DNAJA2: variants seen among roughly 807,000 people sequenced by gnomAD.
DNAJA2 encodes dnaJ homolog subfamily A member 2.
In DNAJA2, 6 loss-of-function variants were observed where a neutral mutation model predicts 49.3. The observed-to-expected ratio is 0.12, with a 90% CI of 0.07 to 0.24. The LOEUF is 0.24. Ranked by LOEUF, DNAJA2 falls within the 10% of genes least tolerant of loss-of-function variation. The pLI is 1.00. For synonymous variants in DNAJA2, 160 were observed against 172.7 expected (o/e 0.93, Z 0.58); for missense variants, 347 against 516.8 (o/e 0.67, Z 3.19).
chr16:46,958,589 C>A (rs34435383), intron 8 of DNAJA2: 119,393 of 146,810 alleles, frequency 0.81, 50,100 homozygotes, highest in South Asian at 0.92. Flanking sequence ...AACAAACAAA[C>A]AAAAAAACCC....
chr16:46,959,818 G>C (rs984442823), intron 6 of DNAJA2, among the ~76,000 whole-genome samples: 1 of 152,202 alleles, frequency 6.6e-6, no homozygotes, highest in Non-Finnish European at 1.5e-5. Context: ...ACAGGGAAGG[G>C]GGGAGGGTCC....
At chr16:46,964,144 C>G (rs578220090) in intron 6 of DNAJA2, among the ~76,000 whole-genome samples, 1 of 152,256 alleles carries the variant, frequency 6.6e-6, no homozygotes, top group African/African-American at 2.4e-5. Flanking sequence ...GAGGCTGAGG[C>G]AGGCAGATCA....
At chr16:46,963,139 A>C (rs1961922199) in intron 6 of DNAJA2, among the ~76,000 whole-genome samples, 2 of 152,166 alleles carry the variant, frequency 1.3e-5, no homozygotes, top group Non-Finnish European at 2.9e-5. Flanking sequence ...ATAGGAGAAA[A>C]TTTTAGGGCA....
intron 5 of DNAJA2, 24 bp downstream of exon 5, chr16:46,967,489 G>A (rs760174136): frequency 6.8e-6 from 11 of 1,612,900 alleles, no homozygotes; most frequent in East Asian, 2.2e-5. Flanking sequence ...CAACATAAAA[G>A]CAGAGAAGTA....
At chr16:46,970,603 C>A (rs55657153) in intron 3 of DNAJA2, among the ~76,000 whole-genome samples, 1 of 151,182 alleles carries the variant, frequency 6.6e-6, no homozygotes, top group Non-Finnish European at 1.5e-5. Context: ...GGGCATGGTG[C>A]GGGTGCCTGT....
Position 46,957,106 on chromosome 16 carries a change from G to A in DNAJA2, c.1162C>T (p.Arg388Cys). The change falls in exon 9 of 9, where the codon CGT becomes TGT. Residue 388 changes from arginine to cysteine, a missense_variant. Arg to Cys is a radical substitution (Grantham distance 180). Transcript: ENST00000317089. ...STRGSGGGQR[R>C]EAYNDSSDEE... ...TCAGAGCTATCATTATAGGCTTCAC[G>A]CCTCTGACCACCTCCTGAGCCTCGA... 1.2e-6 allele frequency: 2 copies of A among 1,614,094 alleles called. No homozygotes were observed. Among genetic ancestry groups the A allele is most frequent in the Non-Finnish European group, 8.5e-7 (1 of 1,180,014 alleles).
At chr16:46,964,489 C>A in intron 6 of DNAJA2, 122 bp downstream of exon 6, 1 of 901,428 alleles carries the variant, frequency 1.1e-6, no homozygotes, top group Non-Finnish European at 1.6e-6. Flanking sequence ...ACCATGATGC[C>A]CTTAACTTCA....
intron 1 of DNAJA2, 57 bp from the exon 2 acceptor site, chr16:46,972,012 G>A (rs781266311): frequency 2.5e-6 from 3 of 1,202,586 alleles, no homozygotes; most frequent in Non-Finnish European, 2.5e-6. Context: ...TAAAAGTTTT[G>A]TAATAACTTA....
chr16:46,973,252 C>T (rs1315492936), intron 1 of DNAJA2, among the ~76,000 whole-genome samples: 2 of 152,098 alleles, frequency 1.3e-5, no homozygotes, highest in South Asian at 2.1e-4. Flanking sequence ...CGTGTTTGCG[C>T]AGGAGTGAGT....
chr16:46,957,265 T>C (rs1470123840), intron 8 of DNAJA2, 45 bp from the exon 9 acceptor site: 3 of 1,504,562 alleles, frequency 2.0e-6, no homozygotes, highest in Admixed American at 4.3e-5. Context: ...AATATTTTCA[T>C]CAACTTTCCT....
At chr16:46,966,888 G>C (rs1411649786) in intron 5 of DNAJA2, among the ~76,000 whole-genome samples, 1 of 152,132 alleles carries the variant, frequency 6.6e-6, no homozygotes, top group Non-Finnish European at 1.5e-5. Flanking sequence ...AAAGGAGATA[G>C]TCCTCCTATG....
chr16:46,970,131 G>A (rs2143660674), intron 3 of DNAJA2, among the ~76,000 whole-genome samples: 1 of 152,284 alleles, frequency 6.6e-6, no homozygotes, highest in East Asian at 1.9e-4. Flanking sequence ...TTCGGCCACT[G>A]ACATTTGCTA....
chr16:46,959,189 TAG>T (rs761814571), intron 7 of DNAJA2, 59 bp from the exon 8 acceptor site: 12 of 1,571,514 alleles, frequency 7.6e-6, no homozygotes, highest in South Asian at 5.9e-5. Flanking sequence ...CAATTTTTTT[TAG>T]AGTTATGCAG....
Position 46,973,574 on chromosome 16 carries a change from G to T in DNAJA2, c.-2C>A. 6.3e-7 allele frequency: 1 copy of T among 1,593,404 alleles called. No homozygotes were observed. Among genetic ancestry groups the T allele is most frequent in the Non-Finnish European group, 8.5e-7 (1 of 1,174,908 alleles). On this transcript the variant is annotated 5_prime_UTR_variant, in exon 1 of 9. Transcript: ENST00000317089. ...CTTCGTGTCAGCCACGTTAGCCATG[G>T]CGGCCGGCCGGGCAGTGCTCGGGGA...
Position 46,969,724 on chromosome 16 carries a change from T to C in DNAJA2, c.363-1560A>G, listed in dbSNP as rs188740943. 1.1e-4 allele frequency among the ~76,000 whole-genome samples: 16 copies of C among 152,348 alleles called. No homozygotes were observed. The East Asian group carries it at 1.7e-3, about 17-fold the overall frequency. ...ACAGAGAAAAAACCTGGGAATACCC[T>C]ATATAAAAGGTAAATAAATCATAGA... is the stretch of plus-strand genomic sequence containing the variant. On this transcript the variant is annotated intron_variant, in intron 3 of 8. Coordinates refer to ENST00000317089, the MANE Select transcript of DNAJA2 (RefSeq NM_005880.4).
chr16:46,956,750 T>C lies in DNAJA2; in HGVS notation c.*279A>G, dbSNP rs545634414. ...AAAACTGATAAAAATCAAGCACAGA[T>C]ACCAGGATTGAAACTTATAATAATC... is the stretch of plus-strand genomic sequence containing the variant. On this transcript the variant is annotated 3_prime_UTR_variant, in exon 9 of 9. Transcript: ENST00000317089. 51 of 310,416 alleles carry C rather than the reference T, an allele frequency of 1.6e-4. No homozygotes were observed. The highest frequency in any genetic ancestry group is 1.0e-3 in the African/African-American group (48 of 46,076). The allele number at this position is 310,416 out of a possible 1,614,324, so 19.2% of individuals were successfully genotyped here.
In DNAJA2 at chr16:46,973,519, G is replaced by T. The variant is rs1346617328; in HGVS notation, c.54C>A (p.Gly18=). 1.2e-6 allele frequency: 2 copies of T among 1,602,692 alleles called. No individual in the cohort carries two copies. The highest frequency in any genetic ancestry group is 1.7e-6 in the Non-Finnish European group (2 of 1,177,560). ...KLYDILGVPP[G]ASENELKKAY... ...CCTTCTTCAGCTCGTTCTCGCTGGC[G>T]CCGGGCGGGACGCCCAGGATGTCGT... is the stretch of plus-strand genomic sequence containing the variant. Residue 18 remains glycine (G), a synonymous_variant, in exon 1 of 9, where the codon GGC becomes GGA. Coordinates refer to ENST00000317089, the MANE Select transcript of DNAJA2 (RefSeq NM_005880.4).
In DNAJA2 at chr16:46,956,424, T is replaced by A. The variant is rs1453549679; in HGVS notation, c.*605A>T. On this transcript the variant is annotated 3_prime_UTR_variant, in exon 9 of 9. Transcript: ENST00000317089. The stretch of plus-strand genomic sequence containing the variant: ...TTTTTATTATCGAGTTTCAGAAACC[T>A]TTCACAAGATGGTAAAAAAAAAAAA... 3.6e-5 allele frequency: 5 copies of A among 140,690 alleles called. No individual in the cohort carries two copies. The highest frequency in any genetic ancestry group is 1.6e-4 in the Admixed American group (2 of 12,860). 8.7% of individuals were successfully genotyped at this position (140,690 alleles called of 1,614,324 possible). A position where few individuals can be genotyped will look rare whatever the true frequency, so the allele number is the denominator to read the frequency against.
intron 4 of DNAJA2, 23 bp from the exon 5 acceptor site, chr16:46,967,669 A>C (rs753663895): frequency 5.6e-6 from 9 of 1,614,044 alleles, no homozygotes; most frequent in Non-Finnish European, 6.8e-6. Flanking sequence ...CAAGTTATGC[A>C]TTAGGTTTTT....
Sources: allele counts gnomAD v4.1 joint callset (sites outside exome capture counted in the v4.1 genomes callset), GRCh38; gene constraint gnomAD v4.1.1; transcripts MANE v1.5; gene names NCBI Gene and HGNC (gene_info 2026-07-23, HGNC 2026-07-21).